Variants in EFNA5 observed in about 807,000 individuals in gnomAD.
EFNA5 encodes ephrin-A5.
A neutral mutation model predicts 22.9 loss-of-function variants in EFNA5; 5 were observed. The observed-to-expected ratio is 0.22, with a 90% CI of 0.11 to 0.46. EFNA5 has a LOEUF of 0.46. Among genes scored for constraint, EFNA5 ranks in the 20% least tolerant of loss-of-function variants. The probability of loss-of-function intolerance (pLI) is 0.99; values close to 1 mark genes in which losing one functional copy is unlikely to be tolerated. For missense variants in EFNA5, 237 were observed against 293.3 expected (o/e 0.81, Z 1.40); for synonymous variants, 113 against 112.2 (o/e 1.01, Z -0.04).
intron 1 of EFNA5, among the ~76,000 whole-genome samples, chr5:107,669,537 C>T (rs1751141857): frequency 6.6e-6 from 1 of 151,994 alleles, no homozygotes; most frequent in African/African-American, 2.4e-5. Flanking sequence ...GATAACCTCC[C>T]CACTCCACTT....
At chr5:107,661,590 G>A (rs531090114) in intron 1 of EFNA5, among the ~76,000 whole-genome samples, 32 of 152,284 alleles carry the variant, frequency 2.1e-4, no homozygotes, top group African/African-American at 7.2e-4. Context: ...AATAGAAGGG[G>A]AACTAGGCTC....
chr5:107,547,378 T>C (rs1340274354), intron 1 of EFNA5, among the ~76,000 whole-genome samples: 2 of 152,188 alleles, frequency 1.3e-5, no homozygotes, highest in African/African-American at 4.8e-5. Flanking sequence ...ATAACACTCA[T>C]ACCTCCCAAC....
chr5:107,423,020 G>A (rs995275931), intron 2 of EFNA5, among the ~76,000 whole-genome samples: 4 of 152,104 alleles, frequency 2.6e-5, no homozygotes, highest in Admixed American at 6.6e-5. Flanking sequence ...ACCACTGTAC[G>A]GATGTTATCT....
chr5:107,400,867 T>G (rs1264468434), intron 2 of EFNA5, among the ~76,000 whole-genome samples: 1 of 152,222 alleles, frequency 6.6e-6, no homozygotes. Context: ...GCTAGCTAGA[T>G]GAAAACTTTG....
intron 2 of EFNA5, among the ~76,000 whole-genome samples, chr5:107,416,817 T>A (rs1051057275): frequency 6.6e-6 from 1 of 152,178 alleles, no homozygotes; most frequent in African/African-American, 2.4e-5. Flanking sequence ...TCCAATTTAC[T>A]CTCCTTGCTT....
chr5:107,569,411 ATATT>A (rs1206082573), intron 1 of EFNA5, among the ~76,000 whole-genome samples: 12 of 143,628 alleles, frequency 8.4e-5, no homozygotes, highest in South Asian at 2.1e-4. Flanking sequence ...ATATATATAT[ATATT>A]TATGTATATG....
At chr5:107,562,784 A>C (rs1234316586) in intron 1 of EFNA5, among the ~76,000 whole-genome samples, 1 of 152,228 alleles carries the variant, frequency 6.6e-6, no homozygotes, top group Non-Finnish European at 1.5e-5. Flanking sequence ...GCTTCCTTTT[A>C]TACATTTAAT....
At chr5:107,458,845 G>A (rs1749762022) in intron 1 of EFNA5, among the ~76,000 whole-genome samples, 1 of 152,050 alleles carries the variant, frequency 6.6e-6, no homozygotes. Context: ...GTACATCAGG[G>A]GAAGAGACAG....
chr5:107,396,762 G>A (rs932540451), intron 2 of EFNA5, among the ~76,000 whole-genome samples: 2 of 152,160 alleles, frequency 1.3e-5, no homozygotes, highest in Admixed American at 6.5e-5. Context: ...CTGAGGCTGA[G>A]AGAATTTAGA....
At chr5:107,444,870 T>C (rs748039440) in intron 1 of EFNA5, among the ~76,000 whole-genome samples, 5 of 152,328 alleles carry the variant, frequency 3.3e-5, no homozygotes, top group Admixed American at 1.3e-4. Context: ...TCCTGCTTCA[T>C]TGGGAATATA....
At chr5:107,603,307 G>T (rs1228856917) in intron 1 of EFNA5, among the ~76,000 whole-genome samples, 29 of 152,146 alleles carry the variant, frequency 1.9e-4, no homozygotes. Flanking sequence ...AGAAAGGAAA[G>T]AATATACAGA....
At chr5:107,544,106 C>T (rs934071149) in intron 1 of EFNA5, among the ~76,000 whole-genome samples, 12 of 152,074 alleles carry the variant, frequency 7.9e-5, no homozygotes, top group Non-Finnish European at 1.3e-4. Flanking sequence ...TTGTTACTTG[C>T]GAATCGCCCC....
intron 1 of EFNA5, among the ~76,000 whole-genome samples, chr5:107,617,910 C>T (rs1023639710): frequency 3.3e-5 from 5 of 152,124 alleles, no homozygotes; most frequent in Non-Finnish European, 7.4e-5. Flanking sequence ...CCTACTATAA[C>T]AGCTACTCAC....
In EFNA5 at chr5:107,544,768, A is replaced by G. The variant is rs370451351; in HGVS notation, c.126-117259T>C. Among the ~76,000 whole-genome samples, 14 of 152,358 alleles carry G rather than the reference A, an allele frequency of 9.2e-5. No individual in the cohort carries two copies. In the East Asian group the frequency reaches 1.3e-3, roughly 15 times the overall value. ...GCCAAACTCCCTGAGTGCCTGGAGA[A>G]CACAGAATGTCTTATTCCAATCACA... On this transcript the variant is annotated intron_variant, in intron 1 of 4. Transcript: ENST00000333274.
intron 1 of EFNA5, among the ~76,000 whole-genome samples, chr5:107,577,093 C>T (rs564543358): frequency 6.6e-6 from 1 of 152,280 alleles, no homozygotes; most frequent in Admixed American, 6.5e-5. Context: ...TCGCCCTTGC[C>T]TTGCAGCAGA....
intron 1 of EFNA5, 108 bp from the exon 2 acceptor site, chr5:107,427,617 G>GT: frequency 1.0e-6 from 1 of 1,002,828 alleles, no homozygotes; most frequent in East Asian, 2.6e-5. Context: ...ATCTAGTATA[G>GT]TAAGTTCTTA....
chr5:107,555,283 T>A (rs935504157), intron 1 of EFNA5, among the ~76,000 whole-genome samples: 2 of 152,254 alleles, frequency 1.3e-5, no homozygotes, highest in African/African-American at 4.8e-5. Context: ...GATAGCCAGA[T>A]ACACATCACC....
chr5:107,436,418 A>T (rs567203251), intron 1 of EFNA5, among the ~76,000 whole-genome samples: 2 of 152,348 alleles, frequency 1.3e-5, no homozygotes, highest in East Asian at 3.9e-4. Context: ...CAAGTCAGCC[A>T]AAGAATTAAG....
intron 1 of EFNA5, among the ~76,000 whole-genome samples, chr5:107,485,378 A>T (rs1015509726): frequency 6.6e-6 from 1 of 152,252 alleles, no homozygotes; most frequent in Non-Finnish European, 1.5e-5. Context: ...GCAGAAGTGG[A>T]AGCCAGCAAG....
Sources: gnomAD v4.1 joint callset for allele counts (sites outside exome capture counted in the v4.1 genomes callset) on GRCh38, gnomAD v4.1.1 for gene constraint, MANE v1.5 for transcripts, NCBI Gene and HGNC (gene_info 2026-07-23, HGNC 2026-07-21) for gene names.